CACFD1: variants seen among roughly 807,000 people sequenced by gnomAD.
CACFD1 encodes the protein calcium channel flower domain containing 1, also known as calcium channel flower homolog.
A neutral mutation model predicts 21.3 loss-of-function variants in CACFD1; 26 were observed. That is an observed-to-expected ratio of 1.22 (90% CI 0.89 to 1.69). The LOEUF is 1.69. CACFD1 is among the 40% of genes most tolerant of loss of function. CACFD1 has a pLI of 0.00. For missense variants in CACFD1, 265 were observed against 236.2 expected, an observed-to-expected ratio of 1.12 and a Z score of -0.80; for synonymous variants, 121 against 106.6, an observed-to-expected ratio of 1.13 and a Z score of -0.83.
intron 1 of CACFD1, among the ~76,000 whole-genome samples, chr9:133,463,228 G>A (rs1843286737): frequency 6.6e-6 from 1 of 152,228 alleles, no homozygotes; most frequent in African/African-American, 2.4e-5. Flanking sequence ...CCCTGAAACG[G>A]GGAGAGGATG....
In CACFD1 at chr9:133,468,669, T is replaced by C; in HGVS notation, c.*16T>C. 2 of 1,552,078 alleles carry C rather than the reference T, an allele frequency of 1.3e-6. No homozygotes were observed. Among genetic ancestry groups the C allele is most frequent in the Non-Finnish European group, 8.7e-7 (1 of 1,150,370 alleles). On this transcript the variant is annotated 3_prime_UTR_variant, in exon 5 of 5. Transcript: ENST00000316948. Reference sequence around the variant, plus strand: ...GGAGCTGTGAAGGGCTGGGCGCCCCTCCCTCCCTGTCCCCTCTTCTGGCTC... The same window carrying C: ...GGAGCTGTGAAGGGCTGGGCGCCCCCCCCTCCCTGTCCCCTCTTCTGGCTC...
At chr9:133,460,243 T>A in intron 1 of CACFD1, 56 bp downstream of exon 1, 3 of 1,409,718 alleles carry the variant, frequency 2.1e-6, no homozygotes, top group Non-Finnish European at 2.8e-6. Context: ...CTCCTCGCCC[T>A]GCCCTGCCCC....
At chr9:133,462,363 C>A in intron 1 of CACFD1, 3 of 1,160,262 alleles carry the variant, frequency 2.6e-6, no homozygotes, top group Non-Finnish European at 3.4e-6. Flanking sequence ...AGGAGCAGTG[C>A]AACGCTTGAG....
intron 1 of CACFD1, chr9:133,462,023 G>A (rs1564454518): frequency 7.9e-7 from 1 of 1,266,898 alleles, no homozygotes; most frequent in Non-Finnish European, 1.0e-6. Flanking sequence ...GCCCCCTCAC[G>A]TGGAAGATAT....
In CACFD1 at chr9:133,470,362, T is replaced by TGGCTTGCCTGCTTCTGCCC. The variant is rs1843648853; in HGVS notation, c.*1710_*1728dup. 6.6e-6 allele frequency: 1 copy of TGGCTTGCCTGCTTCTGCCC among 152,630 alleles called. No homozygotes were observed. Among genetic ancestry groups the TGGCTTGCCTGCTTCTGCCC allele is most frequent in the South Asian group, 2.1e-4 (1 of 4,838 alleles). The allele number at this position is 152,630 out of a possible 1,614,324, so 9.5% of individuals were successfully genotyped here. A position where few individuals can be genotyped will look rare whatever the true frequency, so the allele number is the denominator to read the frequency against. ...GTGGGACCCCGGGCCCCCTTCTGCC[T>TGGCTTGCCTGCTTCTGCCC]GGCTTGCCTGCTTCTGCCCTTTCCA... On this transcript the variant is annotated 3_prime_UTR_variant, in exon 5 of 5. Coordinates refer to ENST00000316948, the MANE Select transcript of CACFD1 (RefSeq NM_017586.5).
chr9:133,460,214 C>T (rs782154334), intron 1 of CACFD1, 27 bp downstream of exon 1: 23 of 1,502,940 alleles, frequency 1.5e-5, no homozygotes, highest in Non-Finnish European at 1.9e-5. Context: ...GGAGAGGGGC[C>T]GGCCCCGCCG....
chr9:133,460,072 C>T lies in CACFD1; in HGVS notation c.6C>T (p.Ser2=). M[S]SSGGAPGASA... ...CTGCGCCTGACGGTGGCACCATGAG[C>T]AGCTCAGGTGGGGCGCCCGGGGCGT... The change falls in exon 1 of 5, where the codon AGC becomes AGT. Residue 2 remains serine (S), a synonymous_variant. Transcript: ENST00000316948. The T allele has an allele frequency of 6.4e-7, 1 of 1,562,094 alleles. No homozygotes were observed. Among genetic ancestry groups the T allele is most frequent in the African/African-American group, 1.4e-5 (1 of 72,898 alleles).
rs587672568 is a variant in CACFD1, at chr9:133,465,614, G to A, written c.320+167G>A. On this transcript the variant is annotated intron_variant, in intron 3 of 4. Coordinates refer to ENST00000316948, the MANE Select transcript of CACFD1 (RefSeq NM_017586.5). The surrounding 1 kb of genome is among the most constrained non-coding windows in gnomAD (Gnocchi z 5.0). ...GTGATTTGCTCATAGCTGCCAAAAC[G>A]TGCCCCAGTGGTTCTGCGCCCAGGA... The A allele has an allele frequency of 2.0e-4, 137 of 698,126 alleles. 2 individuals carry two copies. In the South Asian group the frequency reaches 2.1e-3, roughly 11 times the overall value. 43.2% of individuals were successfully genotyped at this position (698,126 alleles called of 1,614,324 possible).
chr9:133,468,789 C>A lies in CACFD1; in HGVS notation c.*136C>A. 1 of 1,397,904 alleles carries A rather than the reference C, an allele frequency of 7.2e-7. No individual in the cohort carries two copies. Among genetic ancestry groups the A allele is most frequent in the Non-Finnish European group, 9.4e-7 (1 of 1,065,352 alleles). 86.6% of individuals were successfully genotyped at this position (1,397,904 alleles called of 1,614,324 possible). ...TCCCTACACCTGGAGTCCTCTGCTC[C>A]TTTCTCCAGACTGGCTTAAGCCAGG... On this transcript the variant is annotated 3_prime_UTR_variant, in exon 5 of 5. Coordinates refer to ENST00000316948, the MANE Select transcript of CACFD1 (RefSeq NM_017586.5).
intron 1 of CACFD1, chr9:133,462,097 G>A (rs1843241841): frequency 7.7e-7 from 1 of 1,302,558 alleles, no homozygotes. Context: ...CCTGGCTGGA[G>A]CCTGCTGGTC....
chr9:133,464,130 G>A (rs1843333351), intron 2 of CACFD1, among the ~76,000 whole-genome samples: 1 of 152,244 alleles, frequency 6.6e-6, no homozygotes, highest in Non-Finnish European at 1.5e-5. Flanking sequence ...AAGGGAAGGC[G>A]GGGTGAGGGC....
At position 133,468,724 on chromosome 9, in the gene CACFD1, C is replaced by T. The variant is rs1554800248; in HGVS notation, c.*71C>T. On this transcript the variant is annotated 3_prime_UTR_variant, in exon 5 of 5. Transcript: ENST00000316948. ...TGGGTCCAAGTGAGGCCTGGACTGTCCACGCTGAGGCACAGCCTGGAGAGG... is the reference window on the plus strand; with the variant it reads ...TGGGTCCAAGTGAGGCCTGGACTGTTCACGCTGAGGCACAGCCTGGAGAGG... 3 of 1,486,588 alleles carry T rather than the reference C, an allele frequency of 2.0e-6. No individual in the cohort carries two copies. The highest frequency in any genetic ancestry group is 1.4e-5 in the African/African-American group (1 of 71,762). 92.1% of individuals were successfully genotyped at this position (1,486,588 alleles called of 1,614,324 possible). A position where few individuals can be genotyped will look rare whatever the true frequency, so the allele number is the denominator to read the frequency against.
At chr9:133,462,127 C>G (rs888180015) in intron 1 of CACFD1, 62 of 1,303,730 alleles carry the variant, frequency 4.8e-5, no homozygotes, top group Non-Finnish European at 6.0e-5. Flanking sequence ...ACCTGGTCCT[C>G]CCCCAAGGCT....
intron 3 of CACFD1, among the ~76,000 whole-genome samples, chr9:133,466,738 C>T (rs1217059595): frequency 2.0e-5 from 3 of 152,162 alleles, no homozygotes; most frequent in African/African-American, 7.2e-5. Flanking sequence ...CCCCCGCCCC[C>T]ACCCCAGCCC....
Position 133,467,918 on chromosome 9 carries a change from CA to C in CACFD1, c.321-2del. The C allele has an allele frequency of 6.2e-7, 1 of 1,610,248 alleles. No homozygotes were observed. The highest frequency in any genetic ancestry group is 8.5e-7 in the Non-Finnish European group (1 of 1,178,010). ...GCCCCCTTGACCTCTGCTTTCCCCC[CA>C]GGATGGCGGTCGTTCCCATCGTCAT... On this transcript the variant is annotated splice_acceptor_variant, in intron 3 of 4. Transcript: ENST00000316948. LOFTEE classifies it high-confidence loss of function.
chr9:133,463,520 C>T lies in CACFD1; in HGVS notation c.159C>T (p.Ile53=), dbSNP rs782313462. 1.2e-6 allele frequency: 2 copies of T among 1,614,144 alleles called. No homozygotes were observed. The highest frequency in any genetic ancestry group is 1.7e-5 in the Admixed American group (1 of 60,036). ...AISGLFNCIT[I]HPLNIAAGVW... is the part of the protein sequence containing the mutation. ...CTGGCCTCTTCAACTGCATCACCAT[C>T]CACCCTCTGAACATTGCGGCCGGCG... The change falls in exon 2 of 5, where the codon ATC becomes ATT. Residue 53 remains isoleucine (I), a synonymous_variant. Coordinates refer to ENST00000316948, the MANE Select transcript of CACFD1 (RefSeq NM_017586.5).
chr9:133,462,582 C>T (rs1554798781), intron 1 of CACFD1, among the ~76,000 whole-genome samples: 1 of 152,216 alleles, frequency 6.6e-6, no homozygotes, highest in African/African-American at 2.4e-5. Flanking sequence ...CTCCAAGGCC[C>T]CCCTCAGTGA....
intron 2 of CACFD1, 58 bp downstream of exon 2, chr9:133,463,613 C>T: frequency 6.4e-7 from 1 of 1,569,234 alleles, no homozygotes; most frequent in African/African-American, 1.3e-5. Flanking sequence ...ATCTGCTGGG[C>T]ACCTCCCGGG....
intron 2 of CACFD1, among the ~76,000 whole-genome samples, chr9:133,464,057 G>A (rs1050143005): frequency 9.9e-5 from 15 of 152,228 alleles, no homozygotes; most frequent in African/African-American, 3.6e-4. Context: ...GGGAACCCGT[G>A]GTCAGAACAC....
Sources: gnomAD v4.1 joint callset for allele counts (sites outside exome capture counted in the v4.1 genomes callset) on GRCh38, gnomAD v4.1.1 for gene constraint, Gnocchi (gnomAD v3.1) non-coding constraint, MANE v1.5 for transcripts, NCBI Gene and HGNC (gene_info 2026-07-23, HGNC 2026-07-21) for gene names.